Variants in LRRC9 observed in about 807,000 individuals in gnomAD.
The protein encoded by LRRC9 is leucine rich repeat containing 9.
LRRC9 carries 122 observed loss-of-function variants against 63.2 expected under a neutral mutation model. The ratio of observed to expected loss-of-function variants is 1.93; its 90% confidence interval spans 1.67 to 2.24. The LOEUF is 2.24. Among genes scored for constraint, LRRC9 ranks in the 30% most tolerant of loss-of-function variants. The pLI is 0.00. For synonymous variants in LRRC9, 366 were observed against 213.1 expected (o/e 1.72, Z -6.25); for missense variants, 1,071 against 627.7 (o/e 1.71, Z -7.55).
At chr14:60,059,733 G>A (rs1894533926) in intron 31 of LRRC9, among the ~76,000 whole-genome samples, 1 of 152,208 alleles carries the variant, frequency 6.6e-6, no homozygotes, top group African/African-American at 2.4e-5. Context: ...GAAGTTTGAA[G>A]CTAGCAAAGA....
chr14:59,961,976 A>G (rs1266269931), intron 10 of LRRC9, among the ~76,000 whole-genome samples: 4 of 152,222 alleles, frequency 2.6e-5, no homozygotes, highest in African/African-American at 9.6e-5. Flanking sequence ...ACTTGAAGTC[A>G]ATGTCAAAAT....
chr14:60,039,572 T>C (rs993145603), intron 29 of LRRC9, among the ~76,000 whole-genome samples: 1 of 152,240 alleles, frequency 6.6e-6, no homozygotes, highest in Admixed American at 6.5e-5. Flanking sequence ...TAGTATTCTC[T>C]GACAGTAGTT....
At chr14:59,974,882 C>T (rs1016888178) in intron 13 of LRRC9, among the ~76,000 whole-genome samples, 174 bp downstream of exon 13, 2 of 151,074 alleles carry the variant, frequency 1.3e-5, no homozygotes, top group African/African-American at 4.9e-5. Flanking sequence ...TTAATTTAGC[C>T]ACACTTTTAA....
rs556177530 is a variant in LRRC9 at position 59,958,848 on chromosome 14, C to T, written c.883-970C>T. 2.2e-4 allele frequency among the ~76,000 whole-genome samples: 34 copies of T among 152,296 alleles called. No individual in the cohort carries two copies. Among genetic ancestry groups the T allele is most frequent in the African/African-American group, 5.1e-4 (21 of 41,560 alleles). On this transcript the variant is annotated intron_variant, in intron 8 of 31. Coordinates refer to ENST00000445360, the Ensembl canonical transcript of LRRC9. The surrounding 1 kb of genome is among the most constrained non-coding windows in gnomAD (Gnocchi z 4.0). ...GGGTAGCACAGTCCCTCACAGCTTA[C>T]CTTGGCTGGGGGAGGGAGGTCCCTG... is the stretch of plus-strand genomic sequence containing the variant.
At position 59,964,898 on chromosome 14, in the gene LRRC9, A is replaced by C. The variant is rs907360425; in HGVS notation, c.1212-1691A>C. ...TTCAACTCTAAGGGAGAAGTAATTTATAAGATCCTGGCTGCATTGATTAAG... is the reference window on the plus strand; with the variant it reads ...TTCAACTCTAAGGGAGAAGTAATTTCTAAGATCCTGGCTGCATTGATTAAG... On this transcript the variant is annotated intron_variant, in intron 10 of 31. Transcript: ENST00000445360. The surrounding 1 kb of genome is among the most constrained non-coding windows in gnomAD (Gnocchi z 4.4). Among the ~76,000 whole-genome samples the C allele has an allele frequency of 6.6e-6, 1 of 152,218 alleles. No individual in the cohort carries two copies. Among genetic ancestry groups the C allele is most frequent in the African/African-American group, 2.4e-5 (1 of 41,470 alleles).
chr14:59,953,169 T>C (rs932921518), intron 8 of LRRC9, among the ~76,000 whole-genome samples: 4 of 152,388 alleles, frequency 2.6e-5, no homozygotes, highest in Non-Finnish European at 5.9e-5. Flanking sequence ...TTTGGGTGTA[T>C]ACCCAGTAAT....
rs954479995 is a variant in LRRC9, at chr14:60,058,863, T to C, written c.4276+841T>C. Among the ~76,000 whole-genome samples, 2 of 152,208 alleles carry C rather than the reference T, an allele frequency of 1.3e-5. No homozygotes were observed. Among genetic ancestry groups the C allele is most frequent in the Admixed American group, 1.3e-4 (2 of 15,284 alleles). Reference sequence around the variant, plus strand: ...CACTGAAAAACAAACCAGCATAATTTACTCCATTAAGATGTTATATTTTCT... The same window carrying C: ...CACTGAAAAACAAACCAGCATAATTCACTCCATTAAGATGTTATATTTTCT... On this transcript the variant is annotated intron_variant, in intron 31 of 31. Coordinates refer to ENST00000445360, the Ensembl canonical transcript of LRRC9. The surrounding 1 kb of genome is among the most constrained non-coding windows in gnomAD (Gnocchi z 4.4).
intron 8 of LRRC9, among the ~76,000 whole-genome samples, chr14:59,947,219 T>A (rs1424076402): frequency 6.6e-6 from 1 of 150,970 alleles, no homozygotes; most frequent in African/African-American, 2.4e-5. Flanking sequence ...TGAGATGATA[T>A]CTCATAGTGG....
At chr14:60,050,716 C>T (rs1893824054) in intron 29 of LRRC9, among the ~76,000 whole-genome samples, 1 of 152,142 alleles carries the variant, frequency 6.6e-6, no homozygotes, top group African/African-American at 2.4e-5. Context: ...GCTTATCTAC[C>T]TTCAATCTTT....
intron 23 of LRRC9, among the ~76,000 whole-genome samples, chr14:60,008,754 G>T (rs1890016607): frequency 6.6e-6 from 1 of 152,150 alleles, no homozygotes; most frequent in African/African-American, 2.4e-5. Context: ...ACATAGCAGG[G>T]TAAATGCATG....
chr14:60,006,535 G>C, exon 22 of LRRC9: 1 of 701,550 alleles, frequency 1.4e-6, no homozygotes, highest in Non-Finnish European at 2.6e-6. Flanking sequence ...TCATTGAGTG[G>C]TTTACAAAAA....
At chr14:60,036,676 TGA>T (rs1892460712) in intron 29 of LRRC9, among the ~76,000 whole-genome samples, 1 of 152,180 alleles carries the variant, frequency 6.6e-6, no homozygotes, top group Non-Finnish European at 1.5e-5. Flanking sequence ...TGTGATCACT[TGA>T]TTAAAGTGGT....
At chr14:60,019,347 T>C in intron 26 of LRRC9, 87 bp downstream of exon 26, 1 of 509,600 alleles carries the variant, frequency 2.0e-6, no homozygotes, top group Non-Finnish European at 3.5e-6. Flanking sequence ...CAGTAACACA[T>C]TCCAGTACAT....
chr14:59,999,141 C>T lies in LRRC9; in HGVS notation c.2444C>T (p.Thr815Ile), dbSNP rs769245413. 4 of 700,722 alleles carry T rather than the reference C, an allele frequency of 5.7e-6. No homozygotes were observed. The South Asian group carries it at 5.9e-5, about 10-fold the overall frequency. The allele number at this position is 700,722 out of a possible 1,614,324, so 43.4% of individuals were successfully genotyped here. Residue 815 changes from threonine (T) to isoleucine (I), a missense_variant, in exon 19 of 32, where the codon ACT becomes ATT. Transcript: ENST00000445360. ...CTGAGTGTTATTGGCAGATTAAAGACTCTTACCCATTTAAATGGAGTCTTC... is the reference window on the plus strand; with the variant it reads ...CTGAGTGTTATTGGCAGATTAAAGATTCTTACCCATTTAAATGGAGTCTTC...
chr14:59,930,242 G>T lies in LRRC9; in HGVS notation c.268-676G>T, dbSNP rs1455059869. ...GTGTTGAAATTATAACATCTATTTT[G>T]AAAAGAAATATTGCAAAACATCAAG... On this transcript the variant is annotated intron_variant, in intron 3 of 31. Coordinates refer to ENST00000445360, the Ensembl canonical transcript of LRRC9. The surrounding 1 kb of genome is among the most constrained non-coding windows in gnomAD (Gnocchi z 4.9). 4.0e-5 allele frequency among the ~76,000 whole-genome samples: 6 copies of T among 151,870 alleles called. No homozygotes were observed. Among genetic ancestry groups the T allele is most frequent in the African/African-American group, 7.3e-5 (3 of 41,376 alleles).
Position 60,027,677 on chromosome 14 carries a change from AC to A in LRRC9, c.3704-206del, listed in dbSNP as rs1208164105. Among the ~76,000 whole-genome samples the A allele has an allele frequency of 2.0e-5, 3 of 152,120 alleles. No homozygotes were observed. The highest frequency in any genetic ancestry group is 2.9e-5 in the Non-Finnish European group (2 of 67,990). ...CATCACATCCTGATCTTTCAAATTC[AC>A]AAATGAGAAATTTTAGCAAATATTA... On this transcript the variant is annotated intron_variant, in intron 27 of 31. Transcript: ENST00000445360. The surrounding 1 kb of genome is among the most constrained non-coding windows in gnomAD (Gnocchi z 4.0).
At chr14:60,015,663 C>G (rs890139938) in intron 23 of LRRC9, among the ~76,000 whole-genome samples, 1 of 152,098 alleles carries the variant, frequency 6.6e-6, no homozygotes, top group African/African-American at 2.4e-5. Context: ...CTGGGAGAGA[C>G]AAGAATACCT....
intron 15 of LRRC9, among the ~76,000 whole-genome samples, chr14:59,979,300 G>A (rs376387368): frequency 3.9e-5 from 6 of 152,088 alleles, no homozygotes; most frequent in African/African-American, 1.4e-4. Context: ...AATATTTTCT[G>A]TCACTTGCCT....
At chr14:59,977,343 A>G in exon 14 of LRRC9, 1 of 686,780 alleles carries the variant, frequency 1.5e-6, no homozygotes, top group Non-Finnish European at 2.6e-6. Flanking sequence ...GGAAATATTT[A>G]CTAAGTATGT....
Sources: allele counts gnomAD v4.1 joint callset (sites outside exome capture counted in the v4.1 genomes callset), GRCh38; gene constraint gnomAD v4.1.1; non-coding constraint Gnocchi (gnomAD v3.1); transcripts MANE v1.5; gene names NCBI Gene and HGNC (gene_info 2026-07-23, HGNC 2026-07-21).